The following PUDP variants were observed in gnomAD, a reference collection of about 807,000 sequenced individuals.
PUDP encodes pseudouridine 5'-phosphatase.
Under a neutral mutation model 9.4 loss-of-function variants are expected in PUDP, and 8 were observed. The ratio of observed to expected loss-of-function variants is 0.85; its 90% CI spans 0.50 to 1.53. The LOEUF is 1.53. PUDP is among the 40% of genes most tolerant of loss of function. PUDP has a pLI of 0.00. For synonymous variants in PUDP, 99 were observed against 80.7 expected (o/e 1.23, Z -1.22); for missense variants, 188 against 189.7 (o/e 0.99, Z 0.05).
At chrX:7,002,508 C>G (rs1929340743) in intron 1 of PUDP, among the ~76,000 whole-genome samples, 1 of 111,589 alleles carries the variant, frequency 9.0e-6, no homozygotes, top group African/African-American at 3.3e-5. Context: ...TGTGAGTAAC[C>G]CAACCTTTTG....
intron 3 of PUDP, among the ~76,000 whole-genome samples, chrX:6,959,914 T>G (rs1928682949): frequency 8.9e-6 from 1 of 112,703 alleles, no homozygotes; most frequent in Admixed American, 9.4e-5. Flanking sequence ...TCCAATAAAT[T>G]TCTGTTCTTT....
chrX:6,741,828 C>CTCTT (rs1186498408), intron 3 of PUDP, among the ~76,000 whole-genome samples: 190 of 69,347 alleles, frequency 2.7e-3, no homozygotes, highest in Non-Finnish European at 4.0e-3. Context: ...CTCTCTCTCT[C>CTCTT]TCTTTCTTTC....
At chrX:6,860,127 G>C (rs961336704) in intron 3 of PUDP, among the ~76,000 whole-genome samples, 3 of 111,425 alleles carry the variant, frequency 2.7e-5, no homozygotes, top group Non-Finnish European at 5.6e-5. Context: ...ATGTAGCTCA[G>C]TTTCAAGCCC....
At chrX:6,965,989 A>C (rs1928778510) in intron 3 of PUDP, among the ~76,000 whole-genome samples, 1 of 110,892 alleles carries the variant, frequency 9.0e-6, no homozygotes. Context: ...AAATAATTGA[A>C]ACTGTACCAG....
At chrX:6,919,110 A>G (rs1927979320) in intron 3 of PUDP, among the ~76,000 whole-genome samples, 1 of 111,918 alleles carries the variant, frequency 8.9e-6, no homozygotes, top group African/African-American at 3.2e-5. Context: ...GATATGTTTA[A>G]TACAAAGAGG....
intron 1 of PUDP, among the ~76,000 whole-genome samples, chrX:7,129,498 G>A (rs1932565631): frequency 9.0e-6 from 1 of 111,674 alleles, no homozygotes; most frequent in African/African-American, 3.3e-5. Flanking sequence ...ATGTTGTAGA[G>A]CCCAAGGTTG....
chrX:7,006,598 A>G (rs1304876700), intron 1 of PUDP, among the ~76,000 whole-genome samples: 7 of 110,663 alleles, frequency 6.3e-5, no homozygotes, highest in African/African-American at 2.3e-4. Flanking sequence ...GTGATGTTTC[A>G]CTAATGCTGG....
chrX:6,916,768 A>G (rs1018357989), intron 3 of PUDP, among the ~76,000 whole-genome samples: 17 of 111,774 alleles, frequency 1.5e-4, no homozygotes, highest in African/African-American at 5.5e-4. Context: ...TAGTATTTTG[A>G]CTTGATTTTG....
chrX:6,727,522 T>G (rs1050295289), intron 3 of PUDP, among the ~76,000 whole-genome samples: 1 of 112,441 alleles, frequency 8.9e-6, no homozygotes, highest in Non-Finnish European at 1.9e-5. Flanking sequence ...AATTTATTCC[T>G]CAGCACTTTT....
At chrX:6,950,867 G>A (rs1248560920) in intron 3 of PUDP, among the ~76,000 whole-genome samples, 1 of 111,772 alleles carries the variant, frequency 8.9e-6, no homozygotes, top group Non-Finnish European at 1.9e-5. Context: ...GTGAAGGCCC[G>A]AGTAGAGCAA....
intron 3 of PUDP, among the ~76,000 whole-genome samples, chrX:6,808,798 C>T (rs954064224): frequency 1.8e-5 from 2 of 112,299 alleles, no homozygotes; most frequent in African/African-American, 6.5e-5. Context: ...AGTGAGCCCA[C>T]AGCATGTTTG....
chrX:6,939,755 A>G (rs1008101664), intron 3 of PUDP, among the ~76,000 whole-genome samples: 2 of 108,561 alleles, frequency 1.8e-5, no homozygotes, highest in Non-Finnish European at 3.8e-5. Flanking sequence ...AGTTCCAGCT[A>G]TGAGGGAGGA....
intron 3 of PUDP, among the ~76,000 whole-genome samples, chrX:6,819,859 A>G (rs1220995711): frequency 1.8e-5 from 2 of 111,568 alleles, no homozygotes; most frequent in East Asian, 5.6e-4. Flanking sequence ...GAGAACACAC[A>G]GGGGATAATT....
At position 6,838,596 on chromosome X, in the gene PUDP, C is replaced by T. The variant is rs1208201495; in HGVS notation, c.*248-132130G>A. On this transcript the variant is annotated intron_variant and NMD_transcript_variant, in intron 3 of 3. Transcript: ENST00000655425. The stretch of plus-strand genomic sequence containing the variant: ...ACAGAACCGCAGCATTCAAAATACT[C>T]AACAACTTATTGCCACTCATTGGCA... 2.7e-5 allele frequency among the ~76,000 whole-genome samples: 3 copies of T among 112,175 alleles called. 1 individual carries two copies. The highest frequency in any genetic ancestry group is 5.6e-4 in the East Asian group (2 of 3,588).
At chrX:7,022,380 G>A (rs1050328235) in intron 1 of PUDP, among the ~76,000 whole-genome samples, 1 of 111,867 alleles carries the variant, frequency 8.9e-6, no homozygotes. Context: ...TGATTTAAAG[G>A]TTAAATTAAA....
chrX:7,042,641 A>G (rs1401760438), intron 1 of PUDP, among the ~76,000 whole-genome samples: 43 of 80,005 alleles, frequency 5.4e-4, no homozygotes, highest in Admixed American at 1.9e-3. Flanking sequence ...TTCTGGGTGG[A>G]CATATGTTTT....
chrX:7,066,713 A>G (rs1322897975), intron 3 of PUDP, among the ~76,000 whole-genome samples: 5 of 111,746 alleles, frequency 4.5e-5, no homozygotes, highest in African/African-American at 1.3e-4. Flanking sequence ...AGGATGCAAT[A>G]AAACATATAT....
chrX:6,841,577 G>A (rs376516810), intron 3 of PUDP, among the ~76,000 whole-genome samples: 1 of 110,667 alleles, frequency 9.0e-6, no homozygotes, highest in African/African-American at 3.3e-5. Context: ...CTCCAGCTTG[G>A]GTGAGAGTGA....
At chrX:6,960,281 G>A (rs180691381) in intron 3 of PUDP, among the ~76,000 whole-genome samples, 56 of 112,538 alleles carry the variant, frequency 5.0e-4, no homozygotes, top group African/African-American at 1.7e-3. Flanking sequence ...GTTAATAGGC[G>A]GGACCTTTAA....
Sources: allele counts gnomAD v4.1 joint callset (sites outside exome capture counted in the v4.1 genomes callset), GRCh38; gene constraint gnomAD v4.1.1; transcripts MANE v1.5; gene names NCBI Gene and HGNC (gene_info 2026-07-23, HGNC 2026-07-21).